Variants in NAV2 observed in about 807,000 individuals in gnomAD.
NAV2 encodes the protein neuron navigator 2.
In NAV2, 54 loss-of-function variants were observed where a neutral mutation model predicts 223.2. The observed-to-expected ratio is 0.24, with a 90% confidence interval of 0.19 to 0.30. NAV2 has a LOEUF of 0.30. NAV2 is among the 10% of genes least tolerant of loss of function. The pLI is 1.00. For synonymous variants in NAV2, 1,279 were observed against 1,239.3 expected, an observed-to-expected ratio of 1.03 and a Z score of -0.67; for missense variants, 2,806 against 3,147.5, an observed-to-expected ratio of 0.89 and a Z score of 2.60.
At chr11:19,593,707 G>T (rs1488741613) in intron 1 of NAV2, among the ~76,000 whole-genome samples, 2 of 151,810 alleles carry the variant, frequency 1.3e-5, no homozygotes, top group East Asian at 3.9e-4. Context: ...CTGGAATTTG[G>T]TGTTGCCACT....
At chr11:19,860,146 C>T (rs866839548) in intron 3 of NAV2, among the ~76,000 whole-genome samples, 8,968 of 57,182 alleles carry the variant, frequency 0.16, 21 homozygotes, top group Admixed American at 0.2. Context: ...ACCTCCCGGA[C>T]GGGGCGGCTG....
intron 20 of NAV2, among the ~76,000 whole-genome samples, chr11:20,065,521 T>C (rs765483627): frequency 6.6e-6 from 1 of 152,202 alleles, no homozygotes; most frequent in African/African-American, 2.4e-5. Flanking sequence ...CTTGCTTTCT[T>C]GTTTGGTAGG....
intron 1 of NAV2, among the ~76,000 whole-genome samples, chr11:19,486,054 G>C (rs1261535493): frequency 6.6e-6 from 1 of 152,124 alleles, no homozygotes; most frequent in East Asian, 1.9e-4. Flanking sequence ...AATAGGGTGA[G>C]GCAGCCCTTC....
chr11:19,787,699 C>T (rs1029921304), intron 1 of NAV2, among the ~76,000 whole-genome samples: 2 of 152,064 alleles, frequency 1.3e-5, no homozygotes, highest in Non-Finnish European at 2.9e-5. Context: ...GGAAAAGTTA[C>T]CTCCTCTGAA....
intron 1 of NAV2, among the ~76,000 whole-genome samples, chr11:19,683,998 T>G (rs929500087): frequency 2.1e-4 from 32 of 152,202 alleles, no homozygotes; most frequent in Admixed American, 1.6e-3. Context: ...TTTTTAAAAT[T>G]TCCTTACTAA....
chr11:19,862,557 C>A (rs1007218241), intron 3 of NAV2, among the ~76,000 whole-genome samples: 3 of 152,182 alleles, frequency 2.0e-5, no homozygotes, highest in Admixed American at 6.5e-5. Flanking sequence ...GAAGGGCAGG[C>A]CCTGATGCTC....
chr11:19,352,029 A>C (rs1853357018), intron 1 of NAV2, among the ~76,000 whole-genome samples: 3 of 150,862 alleles, frequency 2.0e-5, no homozygotes, highest in Middle Eastern at 6.8e-3. Context: ...TTTGTATTGC[A>C]TTTTCTCTGA....
chr11:19,535,278 C>A (rs1260856160), intron 1 of NAV2, among the ~76,000 whole-genome samples: 6 of 152,152 alleles, frequency 3.9e-5, no homozygotes, highest in East Asian at 3.9e-4. Flanking sequence ...ACTGTGGGAA[C>A]CTTGGTAGCA....
At position 19,390,458 on chromosome 11, in the gene NAV2, C is replaced by G. The variant is rs546931946; in HGVS notation, c.75+39431C>G. 3.9e-5 allele frequency among the ~76,000 whole-genome samples: 6 copies of G among 152,304 alleles called. 1 individual carries two copies. In the South Asian group the frequency reaches 1.2e-3, roughly 32 times the overall value. On this transcript the variant is annotated intron_variant, in intron 1 of 37. Coordinates refer to the NAV2 transcript ENST00000360655. ...CCTTTTGCAAACATTCATTGAGTTC[C>G]TATTATGTGCTAGCCCTTGGGATTC...
rs554420610 is a variant in NAV2, at chr11:19,713,666, G to C, written c.-30G>C. On this transcript the variant is annotated 5_prime_UTR_variant, in exon 1 of 38. Transcript: ENST00000349880. The surrounding 1 kb of genome is among the most constrained non-coding windows in gnomAD (Gnocchi z 7.2). Reference sequence around the variant, plus strand: ...CGCCCCCGCCGCCGCTGCCAGGGACGTGCTGGGAAAGCCCAAGCCCCGGGA... The same window carrying C: ...CGCCCCCGCCGCCGCTGCCAGGGACCTGCTGGGAAAGCCCAAGCCCCGGGA... The C allele has an allele frequency of 1.0e-4, 157 of 1,513,290 alleles. 1 individual carries two copies. The Middle Eastern group carries it at 2.0e-3, about 19-fold the overall frequency. The allele number at this position is 1,513,290 out of a possible 1,614,324, so 93.7% of individuals were successfully genotyped here.
intron 6 of NAV2, among the ~76,000 whole-genome samples, chr11:19,925,980 A>C (rs2044712998): frequency 6.6e-6 from 1 of 152,150 alleles, no homozygotes; most frequent in African/African-American, 2.4e-5. Flanking sequence ...AAATTACTTT[A>C]ACTTTGCAGT....
chr11:19,914,231 G>C (rs980478922), intron 6 of NAV2, among the ~76,000 whole-genome samples: 6 of 152,212 alleles, frequency 3.9e-5, no homozygotes, highest in African/African-American at 1.4e-4. Context: ...AAGACCCAGT[G>C]TCCTTTTTAA....
intron 1 of NAV2, among the ~76,000 whole-genome samples, chr11:19,779,756 A>T (rs2056593437): frequency 6.6e-6 from 1 of 152,252 alleles, no homozygotes; most frequent in South Asian, 2.1e-4. Flanking sequence ...CTTCAGTGGT[A>T]AATGAGACAT....
rs147876253 is a variant in NAV2 at position 20,035,647 on chromosome 11, A to G, written c.2769-312A>G. 1.8e-4 allele frequency among the ~76,000 whole-genome samples: 28 copies of G among 152,306 alleles called. No homozygotes were observed. In the East Asian group the frequency reaches 5.2e-3, roughly 28 times the overall value. On this transcript the variant is annotated intron_variant, in intron 11 of 37. Transcript: ENST00000349880. ...ACTCTGCCACTAGGCCTGGGAAGGA[A>G]CAAATTGGTTTCCATAAAATTCTCA...
chr11:19,485,931 G>A (rs10833122), intron 1 of NAV2, among the ~76,000 whole-genome samples: 40,452 of 151,954 alleles, frequency 0.27, 5,628 homozygotes, highest in East Asian at 0.31. Context: ...CCTGATTGCA[G>A]GGCAGGAGAA....
At chr11:19,608,375 A>T (rs2046538047) in intron 1 of NAV2, among the ~76,000 whole-genome samples, 1 of 152,260 alleles carries the variant, frequency 6.6e-6, no homozygotes, top group South Asian at 2.1e-4. Context: ...TATGAAAAGA[A>T]AGCACAAGAA....
At chr11:19,841,948 A>G (rs75096292) in intron 2 of NAV2, among the ~76,000 whole-genome samples, 1,554 of 152,292 alleles carry the variant, frequency 0.01, 34 homozygotes, top group African/African-American at 0.036. Flanking sequence ...ACTGTGTTTT[A>G]TAGATGAGGA....
chr11:20,119,577 T>C lies in NAV2; in HGVS notation c.*1319T>C, dbSNP rs1345146557. On this transcript the variant is annotated 3_prime_UTR_variant, in exon 38 of 38. Transcript: ENST00000349880. Reference sequence around the variant, plus strand: ...GTCACTCCCTCCCAGAAGCCCCGTCTGGACGAGCCTTGCCTGACCTCTTCG... The same window carrying C: ...GTCACTCCCTCCCAGAAGCCCCGTCCGGACGAGCCTTGCCTGACCTCTTCG... 32 of 152,814 alleles carry C rather than the reference T, an allele frequency of 2.1e-4. No homozygotes were observed. The allele number at this position is 152,814 out of a possible 1,614,324, so 9.5% of individuals were successfully genotyped here. A position where few individuals can be genotyped will look rare whatever the true frequency, so the allele number is the denominator to read the frequency against.
At chr11:19,543,996 C>T (rs1315156608) in intron 1 of NAV2, among the ~76,000 whole-genome samples, 1 of 152,206 alleles carries the variant, frequency 6.6e-6, no homozygotes, top group Non-Finnish European at 1.5e-5. Context: ...CTGGCCAAAG[C>T]TTGTGAATAT....
Sources: gnomAD v4.1 joint callset for allele counts (sites outside exome capture counted in the v4.1 genomes callset) on GRCh38, gnomAD v4.1.1 for gene constraint, Gnocchi (gnomAD v3.1) non-coding constraint, MANE v1.5 for transcripts, NCBI Gene and HGNC (gene_info 2026-07-23, HGNC 2026-07-21) for gene names.